ADIPOR2: variants seen among roughly 807,000 people sequenced by gnomAD.
ADIPOR2 encodes adiponectin receptor protein 2.
ADIPOR2 carries 18 observed loss-of-function variants against 40.9 expected under a neutral mutation model. The ratio of observed to expected loss-of-function variants is 0.44; its 90% confidence interval spans 0.30 to 0.65. ADIPOR2 has a LOEUF of 0.65. ADIPOR2 is among the 30% of genes least tolerant of loss of function. The pLI is 0.09. For missense variants in ADIPOR2, 283 were observed against 479.2 expected (o/e 0.59, Z 3.82); for synonymous variants, 165 against 166.4 (o/e 0.99, Z 0.06).
intron 1 of ADIPOR2, among the ~76,000 whole-genome samples, chr12:1,727,762 T>G (rs1414955322): frequency 6.6e-6 from 1 of 152,018 alleles, no homozygotes; most frequent in Non-Finnish European, 1.5e-5. Context: ...GGGCAACTTC[T>G]GAACTCACCA....
intron 1 of ADIPOR2, among the ~76,000 whole-genome samples, chr12:1,716,204 A>G (rs1455839451): frequency 6.6e-6 from 1 of 152,240 alleles, no homozygotes; most frequent in Non-Finnish European, 1.5e-5. Flanking sequence ...ATGTGCAGTT[A>G]GCATTGCTGA....
intron 1 of ADIPOR2, among the ~76,000 whole-genome samples, chr12:1,747,060 C>T (rs1169291110): frequency 6.8e-6 from 1 of 147,140 alleles, no homozygotes; most frequent in South Asian, 2.2e-4. Context: ...TGCCCCCCCC[C>T]AAAAAATAAA....
chr12:1,778,255 G>T (rs1258966211), intron 4 of ADIPOR2: 4 of 425,952 alleles, frequency 9.4e-6, no homozygotes, highest in African/African-American at 4.2e-5. Flanking sequence ...TTCAGATCTT[G>T]TCCTCAAACC....
intron 1 of ADIPOR2, among the ~76,000 whole-genome samples, chr12:1,735,278 C>T (rs1387379449): frequency 4.6e-5 from 7 of 152,116 alleles, no homozygotes; most frequent in Non-Finnish European, 1.0e-4. Flanking sequence ...CATTGAGCAG[C>T]GGTTTGTAGT....
In ADIPOR2 at chr12:1,715,198, T is replaced by G. The variant is rs1377012616; in HGVS notation, c.-87+24007T>G. On this transcript the variant is annotated intron_variant, in intron 1 of 7. Transcript: ENST00000357103. The stretch of plus-strand genomic sequence containing the variant: ...GCAAGCTTTGCATAGTTGTGGATTA[T>G]CCTTCAGTGAAAAGAAAGCTTGGAC... Among the ~76,000 whole-genome samples the G allele has an allele frequency of 2.0e-5, 3 of 152,134 alleles. 1 individual carries two copies. The highest frequency in any genetic ancestry group is 4.8e-5 in the African/African-American group (2 of 41,378).
At chr12:1,747,122 GT>G (rs1263133448) in intron 1 of ADIPOR2, among the ~76,000 whole-genome samples, 1 of 144,318 alleles carries the variant, frequency 6.9e-6, no homozygotes, top group Non-Finnish European at 1.5e-5. Flanking sequence ...CTGTAAACCA[GT>G]TGGGCCTAAT....
At chr12:1,760,343 T>G (rs1565652236) in intron 2 of ADIPOR2, among the ~76,000 whole-genome samples, 1 of 152,184 alleles carries the variant, frequency 6.6e-6, no homozygotes, top group Non-Finnish European at 1.5e-5. Flanking sequence ...AAATTTTACA[T>G]ACCATAAAAT....
At chr12:1,707,992 G>T (rs2154441643) in intron 1 of ADIPOR2, among the ~76,000 whole-genome samples, 1 of 152,140 alleles carries the variant, frequency 6.6e-6, no homozygotes, top group South Asian at 2.1e-4. Flanking sequence ...TTGTCTGAGG[G>T]TTCCACATCC....
At chr12:1,716,249 GATAC>G (rs1411514137) in intron 1 of ADIPOR2, among the ~76,000 whole-genome samples, 5 of 152,182 alleles carry the variant, frequency 3.3e-5, no homozygotes, top group Non-Finnish European at 7.3e-5. Context: ...TAATTCTGAT[GATAC>G]ATACAGGCAT....
At chr12:1,782,976 C>CTTTTTTTTTTTTTTTTTTTTTT (rs71055199) in intron 6 of ADIPOR2, among the ~76,000 whole-genome samples, 9 of 109,758 alleles carry the variant, frequency 8.2e-5, no homozygotes, top group South Asian at 3.0e-4. Context: ...TTCTTTCTTT[C>CTTTTTTTTTTTTTTTTTTTTTT]TTTTTTTTTT....
intron 1 of ADIPOR2, among the ~76,000 whole-genome samples, chr12:1,715,661 T>C (rs1446636517): frequency 6.6e-6 from 1 of 152,212 alleles, no homozygotes; most frequent in African/African-American, 2.4e-5. Context: ...GCCCAATTCC[T>C]AGCAGCAGTT....
chr12:1,772,977 C>G lies in ADIPOR2; in HGVS notation c.291+16C>G, dbSNP rs1439859192. The G allele has an allele frequency of 6.2e-7, 1 of 1,612,044 alleles. No homozygotes were observed. Among genetic ancestry groups the G allele is most frequent in the African/African-American group, 1.3e-5 (1 of 74,796 alleles). ...TGTTTGTAAGGTAAGAGTGCAGTTT[C>G]TTGTCATTGTCATGCTATATATTTA... On this transcript the variant is annotated intron_variant, in intron 3 of 7. Transcript: ENST00000357103.
chr12:1,696,917 C>T (rs2094640238), intron 1 of ADIPOR2: 2 of 153,046 alleles, frequency 1.3e-5, no homozygotes, highest in African/African-American at 4.8e-5. Context: ...ACTGTCATGT[C>T]TTCCCTAAAG....
intron 2 of ADIPOR2, among the ~76,000 whole-genome samples, chr12:1,756,300 G>A (rs984195079): frequency 4.6e-5 from 7 of 152,058 alleles, no homozygotes; most frequent in South Asian, 2.1e-4. Flanking sequence ...ACAGGCCTGC[G>A]CAACCACATC....
chr12:1,781,508 G>T (rs1862719850), intron 6 of ADIPOR2, among the ~76,000 whole-genome samples: 1 of 151,988 alleles, frequency 6.6e-6, no homozygotes, highest in African/African-American at 2.4e-5. Context: ...TCTGCTTAAG[G>T]CTTCACCCCC....
intron 1 of ADIPOR2, among the ~76,000 whole-genome samples, chr12:1,706,976 G>A (rs764495746): frequency 3.8e-4 from 58 of 152,170 alleles, no homozygotes; most frequent in Non-Finnish European, 7.2e-4. Flanking sequence ...GTGACAGTGT[G>A]AGACCCGGTC....
intron 1 of ADIPOR2, among the ~76,000 whole-genome samples, chr12:1,719,458 C>G (rs1252260142): frequency 1.3e-5 from 2 of 152,182 alleles, no homozygotes; most frequent in Non-Finnish European, 2.9e-5. Context: ...TAATCTGACT[C>G]TGCCATTTAG....
At chr12:1,738,920 G>A (rs907089674) in intron 1 of ADIPOR2, among the ~76,000 whole-genome samples, 5 of 152,126 alleles carry the variant, frequency 3.3e-5, no homozygotes, top group Non-Finnish European at 7.4e-5. Flanking sequence ...TCTGTTAAAC[G>A]TATTTGGGGA....
chr12:1,775,997 G>A (rs1371791415), intron 3 of ADIPOR2, among the ~76,000 whole-genome samples: 1 of 152,164 alleles, frequency 6.6e-6, no homozygotes, highest in Non-Finnish European at 1.5e-5. Flanking sequence ...TTAGAAGCAA[G>A]CATAGAATGG....
Sources: allele counts gnomAD v4.1 joint callset (sites outside exome capture counted in the v4.1 genomes callset), GRCh38; gene constraint gnomAD v4.1.1; transcripts MANE v1.5; gene names NCBI Gene and HGNC (gene_info 2026-07-23, HGNC 2026-07-21).